RAB28: variants seen among roughly 807,000 people sequenced by gnomAD.
RAB28 encodes RAB28, member RAS oncogene family.
Under a neutral mutation model 31.7 loss-of-function variants are expected in RAB28, and 24 were observed. The observed-to-expected ratio is 0.76, with a 90% CI of 0.55 to 1.06. The LOEUF (loss-of-function observed/expected upper bound fraction) is 1.06, where lower values mean the gene tolerates loss of function less well. Ranked by LOEUF, RAB28 falls within the 50% of genes least tolerant of loss-of-function variation. The pLI is 0.00. For synonymous variants in RAB28, 100 were observed against 90.4 expected (o/e 1.11, Z -0.60); for missense variants, 254 against 258.5 (o/e 0.98, Z 0.12).
At chr4:13,423,482 TCGGGGGGGAAAAAAAAAGG>T (rs1227292829) in intron 4 of RAB28, among the ~76,000 whole-genome samples, 1 of 150,412 alleles carries the variant, frequency 6.6e-6, no homozygotes, top group Non-Finnish European at 1.5e-5. Flanking sequence ...AAACTCCGTC[TCGGGGGGGAAAAAAAAAGG>T]TGAGAATAAG....
intron 4 of RAB28, among the ~76,000 whole-genome samples, chr4:13,396,358 T>G (rs1350432385): frequency 6.6e-6 from 1 of 152,066 alleles, no homozygotes; most frequent in Non-Finnish European, 1.5e-5. Context: ...CTCAGATAGA[T>G]AACATGACAG....
At chr4:13,430,028 C>T (rs1046237711) in intron 4 of RAB28, among the ~76,000 whole-genome samples, 2 of 152,100 alleles carry the variant, frequency 1.3e-5, no homozygotes, top group African/African-American at 2.4e-5. Flanking sequence ...GCAATAAACC[C>T]AAACAACTGT....
intron 3 of RAB28, among the ~76,000 whole-genome samples, chr4:13,462,508 G>A (rs1366950422): frequency 6.6e-6 from 1 of 152,090 alleles, no homozygotes; most frequent in African/African-American, 2.4e-5. Context: ...CACAAAAACT[G>A]CTAAAAATTT....
chr4:13,446,218 A>ACC (rs1714687157), intron 4 of RAB28, among the ~76,000 whole-genome samples: 1 of 151,910 alleles, frequency 6.6e-6, no homozygotes, highest in Non-Finnish European at 1.5e-5. Context: ...CCCTCCCCCA[A>ACC]CCAAACTTGG....
In RAB28 at chr4:13,481,085, A is replaced by C. The variant is rs566179955; in HGVS notation, c.76-1559T>G. On this transcript the variant is annotated intron_variant, in intron 1 of 6. Transcript: ENST00000330852. ...ACATTCACGTAATGTCATTTGAGAT[A>C]ATTTTTCACTTTAAAGAATCTCAGA... Among the ~76,000 whole-genome samples the C allele has an allele frequency of 3.9e-5, 6 of 152,140 alleles. No individual in the cohort carries two copies. The South Asian group carries it at 1.2e-3, about 32-fold the overall frequency.
chr4:13,434,338 G>A (rs2108934126), intron 4 of RAB28, among the ~76,000 whole-genome samples: 1 of 152,146 alleles, frequency 6.6e-6, no homozygotes, highest in Non-Finnish European at 1.5e-5. Flanking sequence ...ACAACAAAAG[G>A]GCATTACATC....
At chr4:13,388,130 T>C (rs1157115199) in intron 4 of RAB28, among the ~76,000 whole-genome samples, 1 of 152,036 alleles carries the variant, frequency 6.6e-6, no homozygotes, top group Non-Finnish European at 1.5e-5. Flanking sequence ...GGATACGCCA[T>C]AAAAGCAATG....
intron 3 of RAB28, among the ~76,000 whole-genome samples, chr4:13,465,787 A>ACG (rs1431072132): frequency 1.3e-5 from 2 of 151,632 alleles, no homozygotes; most frequent in Non-Finnish European, 2.9e-5. Flanking sequence ...ACACACACAC[A>ACG]CAGCTGCAGG....
chr4:13,475,240 A>C (rs936891225), intron 2 of RAB28, among the ~76,000 whole-genome samples: 4 of 151,644 alleles, frequency 2.6e-5, no homozygotes, highest in African/African-American at 7.2e-5. Flanking sequence ...AAAATTTATG[A>C]GATAAGCTAT....
At chr4:13,420,477 T>A (rs1022660228) in intron 4 of RAB28, among the ~76,000 whole-genome samples, 1 of 151,988 alleles carries the variant, frequency 6.6e-6, no homozygotes, top group Admixed American at 6.5e-5. Flanking sequence ...TAGACCAATA[T>A]CCCTGATGAA....
chr4:13,376,411 A>G (rs1728923269), intron 6 of RAB28, 134 bp downstream of exon 6: 5 of 566,908 alleles, frequency 8.8e-6, no homozygotes, highest in Non-Finnish European at 1.2e-5. Context: ...ACACTGATTC[A>G]TACATACAAT....
At chr4:13,453,848 C>T (rs1715145014) in intron 4 of RAB28, among the ~76,000 whole-genome samples, 1 of 152,070 alleles carries the variant, frequency 6.6e-6, no homozygotes, top group South Asian at 2.1e-4. Flanking sequence ...TGAGCTTCCT[C>T]GATGTGAATG....
At chr4:13,380,055 C>G (rs899981736) in intron 5 of RAB28, among the ~76,000 whole-genome samples, 1 of 151,964 alleles carries the variant, frequency 6.6e-6, no homozygotes, top group African/African-American at 2.4e-5. Context: ...GCAAAAAAAG[C>G]CCCTGGGAAG....
intron 4 of RAB28, among the ~76,000 whole-genome samples, chr4:13,401,066 G>A (rs185985465): frequency 3.0e-4 from 45 of 152,108 alleles, no homozygotes; most frequent in Admixed American, 1.2e-3. Flanking sequence ...TTATTATATC[G>A]GTGTCATAAA....
At position 13,375,331 on chromosome 4, in the gene RAB28, T is replaced by A. The variant is rs1313569378; in HGVS notation, c.573+1214A>T. On this transcript the variant is annotated intron_variant, in intron 6 of 6. Coordinates refer to ENST00000330852, the MANE Select transcript of RAB28 (RefSeq NM_001017979.3). Reference sequence around the variant, plus strand: ...ATTTTCTTTACTAAAAGCAGGGACATTTTAAAGTCTTTTAATTCTTTTTTA... The same window carrying A: ...ATTTTCTTTACTAAAAGCAGGGACAATTTAAAGTCTTTTAATTCTTTTTTA... Among the ~76,000 whole-genome samples the A allele has an allele frequency of 2.6e-5, 4 of 152,314 alleles. No homozygotes were observed. In the East Asian group the frequency reaches 7.7e-4, roughly 29 times the overall value.
intron 4 of RAB28, among the ~76,000 whole-genome samples, chr4:13,409,416 G>A (rs1256602139): frequency 6.6e-6 from 1 of 152,152 alleles, no homozygotes; most frequent in Non-Finnish European, 1.5e-5. Flanking sequence ...ACAAGAACTA[G>A]CAATGACAAA....
intron 1 of RAB28, among the ~76,000 whole-genome samples, chr4:13,483,795 TGA>T (rs1407629722): frequency 1.3e-5 from 2 of 152,204 alleles, no homozygotes; most frequent in African/African-American, 4.8e-5. Context: ...CTGCCAGTCC[TGA>T]GAGGCGGGAA....
Position 13,479,519 on chromosome 4 carries a change from A to G in RAB28, c.83T>C (p.Leu28Ser). 3 of 1,595,040 alleles carry G rather than the reference A, an allele frequency of 1.9e-6. No individual in the cohort carries two copies. Among genetic ancestry groups the G allele is most frequent in the South Asian group, 2.2e-5 (2 of 90,116 alleles). The change falls in exon 2 of 7, where the codon TTA becomes TCA. Residue 28 changes from leucine (L) to serine (S), a missense_variant. Physicochemically the swap from Leu to Ser is moderately radical, Grantham distance 145 (BLOSUM62 -2). Transcript: ENST00000330852. ...AGTTTCTTGAGCAAAACACGTAGTT[A>G]AGGAGGTCTAAAAAATTGATGCACA... ...LGDGASGKTS[L>S]TTCFAQETFG...
chr4:13,407,742 C>T (rs1019083650), intron 4 of RAB28, among the ~76,000 whole-genome samples: 3 of 152,042 alleles, frequency 2.0e-5, no homozygotes, highest in Non-Finnish European at 4.4e-5. Context: ...AGTTGTATTC[C>T]TAGGCATTTT....
Sources: gnomAD v4.1 joint callset for allele counts (sites outside exome capture counted in the v4.1 genomes callset) on GRCh38, gnomAD v4.1.1 for gene constraint, MANE v1.5 for transcripts, NCBI Gene and HGNC (gene_info 2026-07-23, HGNC 2026-07-21) for gene names.